FHOD3: variants seen among roughly 807,000 people sequenced by gnomAD.
The protein encoded by FHOD3 is formin homology 2 domain containing 3.
In FHOD3, 90 loss-of-function variants were observed where a neutral mutation model predicts 173.0. That is an observed-to-expected ratio of 0.52 (90% CI 0.44 to 0.62). FHOD3 has a LOEUF of 0.62. FHOD3 is among the 20% of genes least tolerant of loss of function. The pLI is 0.00. For missense variants in FHOD3, 1,945 were observed against 2,034.7 expected (o/e 0.96, Z 0.85); for synonymous variants, 828 against 823.0 (o/e 1.01, Z -0.10).
At chr18:36,670,334 C>T (rs1204827242) in intron 14 of FHOD3, among the ~76,000 whole-genome samples, 1 of 152,052 alleles carries the variant, frequency 6.6e-6, no homozygotes, top group Non-Finnish European at 1.5e-5. Flanking sequence ...TACTTTTTAC[C>T]TCCCCTTTCT....
intron 10 of FHOD3, among the ~76,000 whole-genome samples, chr18:36,642,882 G>T (rs917579097): frequency 7.3e-5 from 11 of 150,588 alleles, no homozygotes; most frequent in African/African-American, 1.7e-4. Flanking sequence ...TATTGTGGGG[G>T]TTTTTTTCAG....
chr18:36,531,328 C>T (rs566852830), intron 5 of FHOD3, among the ~76,000 whole-genome samples: 3 of 152,278 alleles, frequency 2.0e-5, no homozygotes, highest in Admixed American at 2.0e-4. Flanking sequence ...TGCTCCCTCC[C>T]GAGGGATGCT....
chr18:36,438,614 C>G (rs3848482), intron 3 of FHOD3, among the ~76,000 whole-genome samples: 15 of 152,020 alleles, frequency 9.9e-5, no homozygotes, highest in Non-Finnish European at 1.6e-4. Context: ...AACCTGTGGG[C>G]AGTCACCCGA....
intron 3 of FHOD3, among the ~76,000 whole-genome samples, chr18:36,385,260 A>G (rs1382539680): frequency 2.0e-5 from 3 of 152,374 alleles, no homozygotes; most frequent in African/African-American, 7.2e-5. Context: ...CTAGGTCAAT[A>G]AATTTCTATT....
intron 5 of FHOD3, among the ~76,000 whole-genome samples, chr18:36,521,769 CCT>C (rs933247306): frequency 3.3e-5 from 5 of 152,134 alleles, no homozygotes; most frequent in African/African-American, 1.2e-4. Flanking sequence ...TTTAGTGGCT[CCT>C]CTCATCCTCA....
rs1026306729 is a variant in FHOD3 at position 36,704,013 on chromosome 18, C to T, written c.2237-5082C>T. Reference sequence around the variant, plus strand: ...GCTGTGTTCTGGTTATGGGTCCTTCCCCACAGGGTGGTTGGTGACAGCCCA... The same window carrying T: ...GCTGTGTTCTGGTTATGGGTCCTTCTCCACAGGGTGGTTGGTGACAGCCCA... On this transcript the variant is annotated intron_variant, in intron 17 of 28. Coordinates refer to ENST00000590592, the MANE Select transcript of FHOD3 (RefSeq NM_001281740.3). Among the ~76,000 whole-genome samples, 5 of 152,258 alleles carry T rather than the reference C, an allele frequency of 3.3e-5. No homozygotes were observed. In the East Asian group the frequency reaches 9.7e-4, roughly 29 times the overall value.
chr18:36,387,773 C>T (rs2048100211), intron 3 of FHOD3, among the ~76,000 whole-genome samples: 2 of 152,122 alleles, frequency 1.3e-5, no homozygotes, highest in Admixed American at 6.5e-5. Context: ...GCTTGGCCCA[C>T]CCCTCTGGAT....
intron 24 of FHOD3, among the ~76,000 whole-genome samples, chr18:36,750,852 T>G (rs988114337): frequency 2.0e-5 from 3 of 152,262 alleles, no homozygotes; most frequent in Non-Finnish European, 4.4e-5. Flanking sequence ...TGTGCCTGTT[T>G]CTGTACTAGT....
intron 2 of FHOD3, among the ~76,000 whole-genome samples, chr18:36,357,300 A>G (rs1326543981): frequency 6.6e-6 from 1 of 152,176 alleles, no homozygotes; most frequent in Non-Finnish European, 1.5e-5. Flanking sequence ...TCTGCGGCTA[A>G]CACTTTACTA....
chr18:36,641,747 G>A lies in FHOD3; in HGVS notation c.1197-7569G>A, dbSNP rs1278910879. 2.0e-5 allele frequency among the ~76,000 whole-genome samples: 3 copies of A among 152,216 alleles called. No individual in the cohort carries two copies. The East Asian group carries it at 5.8e-4, about 29-fold the overall frequency. On this transcript the variant is annotated intron_variant, in intron 10 of 28. Transcript: ENST00000590592. ...GAGATGGGTGGATCACTTGAAGTCA[G>A]GAGTTCGAGACCAGCCTGGCCAACA...
chr18:36,554,456 A>G (rs535118398), intron 5 of FHOD3, among the ~76,000 whole-genome samples: 1 of 140,984 alleles, frequency 7.1e-6, no homozygotes, highest in Admixed American at 7.1e-5. Flanking sequence ...TGGACACAGG[A>G]AGGGGAACAT....
chr18:36,583,073 C>T (rs908108117), intron 6 of FHOD3, among the ~76,000 whole-genome samples: 20 of 152,294 alleles, frequency 1.3e-4, no homozygotes, highest in African/African-American at 4.8e-4. Flanking sequence ...GCAGATCTTC[C>T]ATGCCATTGA....
intron 5 of FHOD3, among the ~76,000 whole-genome samples, chr18:36,558,064 T>C (rs1391892673): frequency 6.6e-6 from 1 of 152,202 alleles, no homozygotes; most frequent in Non-Finnish European, 1.5e-5. Flanking sequence ...TCCAATCCTT[T>C]TGGAAAGGTT....
chr18:36,590,851 T>C (rs1312473623), intron 6 of FHOD3, among the ~76,000 whole-genome samples: 2 of 152,138 alleles, frequency 1.3e-5, no homozygotes, highest in East Asian at 3.9e-4. Flanking sequence ...GAGAATGGCT[T>C]AGGGATTCTG....
chr18:36,483,856 T>C (rs1408930360), intron 3 of FHOD3, among the ~76,000 whole-genome samples: 2 of 152,318 alleles, frequency 1.3e-5, no homozygotes, highest in East Asian at 3.9e-4. Flanking sequence ...ACTCCTGGCA[T>C]GGACTCCTTC....
At chr18:36,447,505 T>TTTC (rs1211203012) in intron 3 of FHOD3, among the ~76,000 whole-genome samples, 2 of 152,186 alleles carry the variant, frequency 1.3e-5, no homozygotes, top group East Asian at 1.9e-4. Context: ...TGTTTGTTTT[T>TTTC]TCCCCCAATA....
In FHOD3 at chr18:36,612,100, C is replaced by A; in HGVS notation, c.957+5C>A. On this transcript the variant is annotated splice_donor_5th_base_variant and intron_variant, in intron 9 of 28. Transcript: ENST00000590592. The stretch of plus-strand genomic sequence containing the variant: ...GAGCAACTCAACATTTATGAGGTAC[C>A]AGACCATGCCTTTTGTAAGGTATCG... 1 of 1,612,190 alleles carries A rather than the reference C, an allele frequency of 6.2e-7. No homozygotes were observed. Among genetic ancestry groups the A allele is most frequent in the South Asian group, 1.1e-5 (1 of 90,658 alleles).
intron 1 of FHOD3, among the ~76,000 whole-genome samples, chr18:36,339,635 G>A (rs1341678883): frequency 1.3e-5 from 2 of 152,206 alleles, no homozygotes; most frequent in Non-Finnish European, 2.9e-5. Context: ...GACTTCTGCT[G>A]CTCTTTGCCC....
chr18:36,647,736 G>A (rs764487725), intron 10 of FHOD3, among the ~76,000 whole-genome samples: 4 of 152,188 alleles, frequency 2.6e-5, no homozygotes, highest in Non-Finnish European at 4.4e-5. Flanking sequence ...CTGGAATACA[G>A]CAATAAGAAG....
Sources: allele counts gnomAD v4.1 joint callset (sites outside exome capture counted in the v4.1 genomes callset), GRCh38; gene constraint gnomAD v4.1.1; transcripts MANE v1.5; gene names NCBI Gene and HGNC (gene_info 2026-07-23, HGNC 2026-07-21).